The following LINC00237 variants were observed in gnomAD, a reference collection of about 807,000 sequenced individuals.
LINC00237 encodes the protein long independently transcribed non-coding RNA 237.
chr20:21,094,402 AGT>A (rs754932605), intron 1 of LINC00237, among the ~76,000 whole-genome samples: 104 of 152,360 alleles, frequency 6.8e-4, no homozygotes, highest in Non-Finnish European at 1.3e-3. Context: ...GGCAACAAAA[AGT>A]GTCACAAGAC....
chr20:21,086,432 GACTATTAGCT>G (rs2030693799), intron 3 of LINC00237, among the ~76,000 whole-genome samples: 1 of 150,608 alleles, frequency 6.6e-6, no homozygotes, highest in Non-Finnish European at 1.5e-5. Context: ...TACCTTTCCA[GACTATTAGCT>G]ATACAATCAC....
intron 2 of LINC00237, chr20:21,088,050 T>C (rs1344089030): frequency 6.6e-6 from 1 of 152,174 alleles, no homozygotes; most frequent in African/African-American, 2.4e-5. Flanking sequence ...GAAATGGTCA[T>C]GTGATTACAT....
intron 2 of LINC00237, among the ~76,000 whole-genome samples, chr20:21,089,406 G>T (rs8114956): frequency 0.11 from 16,594 of 151,722 alleles, 1,171 homozygotes; most frequent in East Asian, 0.31. Context: ...ATTGAAAAAG[G>T]CTTGAAATAT....
At position 21,101,667 on chromosome 20, in the gene LINC00237, C is replaced by G. The variant is rs993237507; in HGVS notation, n.88+4604G>C. ...TTGCTCAGGCAGCTAACTTTGGAGC[C>G]GGGCAAGACGTGTTTTCCCGCTCCT... On this transcript the variant is annotated intron_variant and non_coding_transcript_variant, in intron 1 of 3. Coordinates refer to ENST00000691244, the Ensembl canonical transcript of LINC00237. The surrounding 1 kb of genome is among the most constrained non-coding windows in gnomAD (Gnocchi z 4.3). The G allele has an allele frequency of 6.6e-6, 1 of 152,342 alleles. No individual in the cohort carries two copies. Among genetic ancestry groups the G allele is most frequent in the Admixed American group, 6.5e-5 (1 of 15,290 alleles). 9.4% of individuals were successfully genotyped at this position (152,342 alleles called of 1,614,324 possible). A position where few individuals can be genotyped will look rare whatever the true frequency, so the allele number is the denominator to read the frequency against.
chr20:21,088,419 T>A (rs1027320938), intron 2 of LINC00237, among the ~76,000 whole-genome samples: 3 of 152,162 alleles, frequency 2.0e-5, no homozygotes, highest in African/African-American at 7.2e-5. Flanking sequence ...GGTAACACTC[T>A]CCACACAAAC....
rs1568883445 is a variant in LINC00237 at position 21,086,657 on chromosome 20, G to GTATACTACA, written n.560-770_560-769insTGTAGTATA. On this transcript the variant is annotated intron_variant and non_coding_transcript_variant, in intron 3 of 3. Coordinates refer to ENST00000691244, the Ensembl canonical transcript of LINC00237. ...ATACTATATATAGTATACTATATAT[G>GTATACTACA]TATAGTATACTATATATAGTATACT... Among the ~76,000 whole-genome samples, 4 of 103,486 alleles carry GTATACTACA rather than the reference G, an allele frequency of 3.9e-5. No individual in the cohort carries two copies. The East Asian group carries it at 1.6e-3, about 40-fold the overall frequency. 67.9% of individuals were successfully genotyped at this position (103,486 alleles called of 152,430 possible).
intron 2 of LINC00237, among the ~76,000 whole-genome samples, chr20:21,090,801 C>T (rs1034002027): frequency 6.6e-6 from 1 of 152,150 alleles, no homozygotes; most frequent in Non-Finnish European, 1.5e-5. Context: ...GCCGGATCAA[C>T]ATATTATTGC....
At chr20:21,090,038 G>T (rs1344108587) in intron 2 of LINC00237, 2 of 152,182 alleles carry the variant, frequency 1.3e-5, no homozygotes, top group Non-Finnish European at 2.9e-5. Flanking sequence ...CATTGTTTCA[G>T]CAGAGAGCTG....
chr20:21,087,326 C>G (rs1255891014), intron 3 of LINC00237, among the ~76,000 whole-genome samples: 1 of 152,032 alleles, frequency 6.6e-6, no homozygotes, highest in Admixed American at 6.6e-5. Flanking sequence ...CCTAGAGAGC[C>G]ATGGCATGGA....
intron 2 of LINC00237, among the ~76,000 whole-genome samples, chr20:21,092,138 G>A (rs1221554012): frequency 6.6e-6 from 1 of 152,146 alleles, no homozygotes; most frequent in Non-Finnish European, 1.5e-5. Context: ...CAGTGTTCAA[G>A]GACTCTGCTA....
At chr20:21,087,616 A>T (rs1185572646) in intron 3 of LINC00237, 1 of 152,170 alleles carries the variant, frequency 6.6e-6, no homozygotes, top group East Asian at 1.9e-4. Flanking sequence ...AATTTTTGTC[A>T]TTTGGAAAGG....
intron 1 of LINC00237, among the ~76,000 whole-genome samples, chr20:21,100,681 A>T (rs1326109425): frequency 6.6e-6 from 1 of 152,178 alleles, no homozygotes; most frequent in Non-Finnish European, 1.5e-5. Context: ...GGGCCGAAAT[A>T]AGATTTAATT....
At chr20:21,092,363 T>A (rs2030804529) in intron 2 of LINC00237, among the ~76,000 whole-genome samples, 1 of 152,124 alleles carries the variant, frequency 6.6e-6, no homozygotes, top group Admixed American at 6.5e-5. Context: ...ACAAAAAGGG[T>A]AACTTTCAAT....
In LINC00237 at chr20:21,098,268, A is replaced by G. The variant is rs114374019; in HGVS notation, n.89-4416T>C. Among the ~76,000 whole-genome samples the G allele has an allele frequency of 9.9e-3, 1,507 of 152,296 alleles. 24 individuals carry two copies. Among genetic ancestry groups the G allele is most frequent in the African/African-American group, 0.034 (1,421 of 41,554 alleles). ...GTCTGAATCAAAGTCAGAAATTAATAATAGGATGCAGACAGAGACCCCCAA... is the reference window on the plus strand; with the variant it reads ...GTCTGAATCAAAGTCAGAAATTAATGATAGGATGCAGACAGAGACCCCCAA... On this transcript the variant is annotated intron_variant and non_coding_transcript_variant, in intron 1 of 3. Transcript: ENST00000691244.
intron 1 of LINC00237, among the ~76,000 whole-genome samples, chr20:21,102,892 C>G (rs904438418): frequency 1.3e-5 from 2 of 152,136 alleles, no homozygotes; most frequent in African/African-American, 2.4e-5. Flanking sequence ...CCGCTCACCC[C>G]GCTCGCCTCT....
chr20:21,104,557 A>G (rs1374132037), intron 1 of LINC00237, among the ~76,000 whole-genome samples: 3 of 152,220 alleles, frequency 2.0e-5, no homozygotes, highest in East Asian at 3.8e-4. Context: ...AGATGCAACC[A>G]GGTCTGCAGC....
chr20:21,100,011 T>C (rs1175077267), intron 1 of LINC00237, among the ~76,000 whole-genome samples: 2 of 152,224 alleles, frequency 1.3e-5, no homozygotes, highest in African/African-American at 2.4e-5. Flanking sequence ...TCTTAATTCT[T>C]ATGCAAATTC....
chr20:21,104,305 C>T (rs1390835961), intron 1 of LINC00237, among the ~76,000 whole-genome samples: 2 of 152,220 alleles, frequency 1.3e-5, no homozygotes, highest in Non-Finnish European at 2.9e-5. Flanking sequence ...ATTTTCATAA[C>T]AAGGACAAAA....
chr20:21,096,345 CATT>C (rs1568885846), intron 1 of LINC00237, among the ~76,000 whole-genome samples: 1 of 152,200 alleles, frequency 6.6e-6, no homozygotes, highest in African/African-American at 2.4e-5. Context: ...ACATGACTCT[CATT>C]AGTGTAATTC....
Sources: allele counts gnomAD v4.1 joint callset (sites outside exome capture counted in the v4.1 genomes callset), GRCh38; gene constraint gnomAD v4.1.1; non-coding constraint Gnocchi (gnomAD v3.1); transcripts MANE v1.5; gene names NCBI Gene and HGNC (gene_info 2026-07-23, HGNC 2026-07-21).